Variants in TSGA10IP observed in about 807,000 individuals in gnomAD.
TSGA10IP encodes testis specific 10 interacting protein, also known as testis-specific protein 10-interacting protein.
A neutral mutation model predicts 63.2 loss-of-function variants in TSGA10IP; 64 were observed. The observed-to-expected ratio is 1.01, with a 90% CI of 0.83 to 1.25. The LOEUF (loss-of-function observed/expected upper bound fraction) is 1.25, where lower values mean the gene tolerates loss of function less well. Among genes scored for constraint, TSGA10IP ranks in the 50% most tolerant of loss-of-function variants. The probability of loss-of-function intolerance (pLI) is 0.00; values close to 1 mark genes in which losing one functional copy is unlikely to be tolerated. For missense variants in TSGA10IP, 681 were observed against 710.1 expected, an observed-to-expected ratio of 0.96 and a Z score of 0.47; for synonymous variants, 316 against 298.3, an observed-to-expected ratio of 1.06 and a Z score of -0.61.
intron 5 of TSGA10IP, among the ~76,000 whole-genome samples, chr11:65,956,144 T>TTTA (rs1555056445): frequency 5.3e-5 from 8 of 149,696 alleles, no homozygotes; most frequent in Non-Finnish European, 1.0e-4. Flanking sequence ...TCTTTTTTTT[T>TTTA]TTTTTTTTTT....
intron 5 of TSGA10IP, among the ~76,000 whole-genome samples, chr11:65,956,155 G>A (rs559078): frequency 0.52 from 55,085 of 106,924 alleles, 12,016 homozygotes; most frequent in Admixed American, 0.64. Context: ...TTTTTTTTTT[G>A]AGACAGAGTT....
intron 5 of TSGA10IP, among the ~76,000 whole-genome samples, chr11:65,954,639 G>A (rs546960358): frequency 6.6e-6 from 1 of 152,150 alleles, no homozygotes; most frequent in Non-Finnish European, 1.5e-5. Context: ...CCAACATGGT[G>A]AAACCTCATC....
At chr11:65,947,471 C>A (rs1320674667) in exon 3 of TSGA10IP, 2 of 1,613,414 alleles carry the variant, frequency 1.2e-6, no homozygotes, top group South Asian at 2.2e-5. Context: ...CAAGCAGGTC[C>A]AGCTGCAAAG....
chr11:65,956,933 T>C (rs116336709), intron 5 of TSGA10IP, among the ~76,000 whole-genome samples: 241 of 152,322 alleles, frequency 1.6e-3, no homozygotes, highest in African/African-American at 5.7e-3. Flanking sequence ...ACTTTCTATT[T>C]GAGAGGGCTA....
At chr11:65,953,978 A>G (rs1854986118) in intron 5 of TSGA10IP, among the ~76,000 whole-genome samples, 1 of 152,210 alleles carries the variant, frequency 6.6e-6, no homozygotes, top group African/African-American at 2.4e-5. Flanking sequence ...TTCTACATGT[A>G]TGATCACACT....
rs767599562 is a variant in TSGA10IP, at chr11:65,959,882, C to A, written c.1613C>A (p.Thr538Asn). Residue 538 changes from threonine (T) to asparagine (N), a missense_variant, in exon 8 of 8, where the codon ACC becomes AAC. Coordinates refer to ENST00000532620, the Ensembl canonical transcript of TSGA10IP. ...CAGAGGCCCCCAAGGACAGAACCCA[C>A]CGGCAGCCAGCCTGACAGGCACTAC... The A allele has an allele frequency of 1.9e-6, 3 of 1,609,698 alleles. No individual in the cohort carries two copies. The highest frequency in any genetic ancestry group is 2.5e-6 in the Non-Finnish European group (3 of 1,178,198).
rs147265189 is a variant in TSGA10IP at position 65,949,707 on chromosome 11, G to A, written c.1151+1559G>A. 5.7e-3 allele frequency among the ~76,000 whole-genome samples: 847 copies of A among 149,810 alleles called. 11 individuals are homozygous for A. Among genetic ancestry groups the A allele is most frequent in the African/African-American group, 0.019 (784 of 40,722 alleles). On this transcript the variant is annotated intron_variant, in intron 4 of 7. Transcript: ENST00000532620. The stretch of plus-strand genomic sequence containing the variant: ...TGGGATTATAGGCATGAGCCACTGC[G>A]CCCAGCCACAATTCTTTTTTTAAAA...
At chr11:65,949,727 T>G (rs984866331) in intron 4 of TSGA10IP, among the ~76,000 whole-genome samples, 2 of 152,062 alleles carry the variant, frequency 1.3e-5, no homozygotes, top group Admixed American at 6.6e-5. Context: ...AATTCTTTTT[T>G]TAAAATTTAT....
intron 4 of TSGA10IP, among the ~76,000 whole-genome samples, chr11:65,950,228 T>C (rs1460612887): frequency 6.6e-6 from 1 of 152,122 alleles, no homozygotes; most frequent in Non-Finnish European, 1.5e-5. Flanking sequence ...AATACATTGC[T>C]TTTAACTACA....
exon 6 of TSGA10IP, chr11:65,958,982 G>A (rs1183082628): frequency 1.2e-6 from 2 of 1,612,796 alleles, no homozygotes; most frequent in African/African-American, 1.3e-5. Context: ...AGGCTATGCA[G>A]GTGAGGCTGG....
exon 1 of TSGA10IP, chr11:65,945,598 T>C: frequency 6.5e-7 from 1 of 1,538,098 alleles, no homozygotes; most frequent in Non-Finnish European, 8.9e-7. Context: ...GCCAGACCCA[T>C]TGAGACTGGC....
chr11:65,948,000 G>A lies in TSGA10IP; in HGVS notation c.1004-1G>A. 1 of 1,558,196 alleles carries A rather than the reference G, an allele frequency of 6.4e-7. No homozygotes were observed. Among genetic ancestry groups the A allele is most frequent in the Middle Eastern group, 1.7e-4 (1 of 5,976 alleles). Reference sequence around the variant, plus strand: ...CCCTGACTTGGTCCCACTGTGGGCAGGCCCCCAAAAGCTGCCCTGGAAGAC... The same window carrying A: ...CCCTGACTTGGTCCCACTGTGGGCAAGCCCCCAAAAGCTGCCCTGGAAGAC... On this transcript the variant is annotated splice_acceptor_variant, in intron 3 of 7. Coordinates refer to ENST00000532620, the Ensembl canonical transcript of TSGA10IP. LOFTEE classifies it high-confidence loss of function.
chr11:65,947,118 C>T (rs777787925), exon 3 of TSGA10IP: 4 of 1,611,212 alleles, frequency 2.5e-6, no homozygotes, highest in East Asian at 2.2e-5. Context: ...AGTCACTTCC[C>T]GCTTCTTCCT....
chr11:65,953,512 C>T (rs1482534781), intron 4 of TSGA10IP, 55 bp from the exon 5 acceptor site: 20 of 1,491,486 alleles, frequency 1.3e-5, no homozygotes, highest in African/African-American at 8.6e-5. Flanking sequence ...CCTGGCCCTC[C>T]GTGAGGCTCC....
chr11:65,956,985 C>T lies in TSGA10IP; in HGVS notation c.1323-1898C>T, dbSNP rs534476876. On this transcript the variant is annotated intron_variant, in intron 5 of 7. Transcript: ENST00000532620. Reference sequence around the variant, plus strand: ...CTCCCATGCAGTCTCTCAGCCATTACAGCCTATGAACTTCGCTGTCTGAGC... The same window carrying T: ...CTCCCATGCAGTCTCTCAGCCATTATAGCCTATGAACTTCGCTGTCTGAGC... Among the ~76,000 whole-genome samples, 13 of 152,336 alleles carry T rather than the reference C, an allele frequency of 8.5e-5. No homozygotes were observed. In the South Asian group the frequency reaches 2.7e-3, roughly 32 times the overall value.
At chr11:65,959,723 C>A in intron 7 of TSGA10IP, 94 bp from the exon 8 acceptor site, 2 of 1,457,860 alleles carry the variant, frequency 1.4e-6, no homozygotes, top group Non-Finnish European at 1.8e-6. Flanking sequence ...AGCAAGCCGG[C>A]ACTGAAGCAG....
At chr11:65,956,304 A>AT (rs1485342265) in intron 5 of TSGA10IP, among the ~76,000 whole-genome samples, 2 of 151,332 alleles carry the variant, frequency 1.3e-5, no homozygotes, top group African/African-American at 4.9e-5. Flanking sequence ...CGCCCGGCTA[A>AT]TTTTGTATTT....
chr11:65,952,436 GGT>G (rs540609428), intron 4 of TSGA10IP, among the ~76,000 whole-genome samples: 25 of 150,748 alleles, frequency 1.7e-4, no homozygotes, highest in African/African-American at 5.1e-4. Context: ...GTGTGTGTGT[GGT>G]GTGTGTGTGT....
chr11:65,959,787 G>C, intron 7 of TSGA10IP, 30 bp from the exon 8 acceptor site: 1 of 1,536,308 alleles, frequency 6.5e-7, no homozygotes, highest in Non-Finnish European at 8.8e-7. Context: ...GGGAGCTGCA[G>C]AGTCAGGGGC....
Sources: allele counts gnomAD v4.1 joint callset (sites outside exome capture counted in the v4.1 genomes callset), GRCh38; gene constraint gnomAD v4.1.1; transcripts MANE v1.5; gene names NCBI Gene and HGNC (gene_info 2026-07-23, HGNC 2026-07-21).